The following EXD3 variants were observed in gnomAD, a reference collection of about 807,000 sequenced individuals.
EXD3 encodes exonuclease 3'-5' domain containing 3.
In EXD3, 92 loss-of-function variants were observed where a neutral mutation model predicts 98.0. The observed-to-expected ratio is 0.94, with a 90% CI of 0.79 to 1.12. The LOEUF is 1.12. EXD3 is among the 50% of genes most tolerant of loss of function. The pLI is 0.00. For synonymous variants in EXD3, 569 were observed against 526.0 expected (o/e 1.08, Z -1.12); for missense variants, 1,222 against 1,191.6 (o/e 1.03, Z -0.38).
rs768258652 is a variant in EXD3 at position 137,307,753 on chromosome 9, G to A, written c.2279-107C>T. On this transcript the variant is annotated intron_variant, in intron 20 of 21. Transcript: ENST00000340951. ...GCGGCTGAGCACAGTCACCTCATGG[G>A]GTGCAGCCTCTTCACACACCCCCCA... 27 of 1,259,546 alleles carry A rather than the reference G, an allele frequency of 2.1e-5. No homozygotes were observed. The African/African-American group carries it at 2.6e-4, about 12-fold the overall frequency. The allele number at this position is 1,259,546 out of a possible 1,614,324, so 78.0% of individuals were successfully genotyped here.
intron 3 of EXD3, among the ~76,000 whole-genome samples, chr9:137,378,369 C>G (rs1051228142): frequency 1.3e-5 from 2 of 151,996 alleles, no homozygotes; most frequent in East Asian, 1.9e-4. Context: ...CCACCACGCT[C>G]GGCTAATTGT....
chr9:137,362,651 C>T (rs374315942), intron 7 of EXD3, among the ~76,000 whole-genome samples: 46 of 152,140 alleles, frequency 3.0e-4, no homozygotes, highest in African/African-American at 8.7e-4. Flanking sequence ...TGTGAGCCAC[C>T]GTGCACGGCC....
At chr9:137,390,108 C>T (rs576164373) in intron 2 of EXD3, among the ~76,000 whole-genome samples, 225 of 95,784 alleles carry the variant, frequency 2.3e-3, no homozygotes, top group African/African-American at 9.3e-3. Context: ...GGTGACAGAG[C>T]GAGACTCTGT....
At chr9:137,414,678 C>T (rs73565526) in intron 1 of EXD3, among the ~76,000 whole-genome samples, 2,782 of 152,190 alleles carry the variant, frequency 0.018, 72 homozygotes, top group African/African-American at 0.063. Context: ...TGTTCCTTTC[C>T]TTAACAATTA....
intron 1 of EXD3, among the ~76,000 whole-genome samples, chr9:137,396,867 G>C (rs1837240176): frequency 6.6e-6 from 1 of 152,228 alleles, no homozygotes; most frequent in Admixed American, 6.5e-5. Flanking sequence ...CTGGGCAACA[G>C]GCAGTGTGAG....
In EXD3 at chr9:137,351,492, G is replaced by C; in HGVS notation, c.1210C>G (p.Pro404Ala). ...QVVGVDVEWT[P>A]VFVAGGRPRP... Reference sequence around the variant, plus strand: ...GGCCGGCCCCCAGCAACAAACACAGGTGTCCACTCCACGTCTACACCAACC... The same window carrying C: ...GGCCGGCCCCCAGCAACAAACACAGCTGTCCACTCCACGTCTACACCAACC... The change falls in exon 13 of 22, where the codon CCT becomes GCT. Residue 404 changes from proline to alanine, a missense_variant. Transcript: ENST00000340951. The C allele has an allele frequency of 1.3e-5, 20 of 1,597,756 alleles. No homozygotes were observed. The highest frequency in any genetic ancestry group is 1.7e-5 in the Non-Finnish European group (20 of 1,173,560).
At chr9:137,397,468 C>A (rs970207040) in intron 1 of EXD3, among the ~76,000 whole-genome samples, 2 of 152,096 alleles carry the variant, frequency 1.3e-5, no homozygotes, top group Non-Finnish European at 2.9e-5. Flanking sequence ...TCCAGAGTTT[C>A]CACAATGGAT....
chr9:137,395,459 C>T lies in EXD3; in HGVS notation c.-47-55G>A, dbSNP rs751805577. The T allele has an allele frequency of 3.2e-6, 5 of 1,541,794 alleles. No homozygotes were observed. Among genetic ancestry groups the T allele is most frequent in the Non-Finnish European group, 3.5e-6 (4 of 1,126,778 alleles). On this transcript the variant is annotated intron_variant, in intron 1 of 21. Transcript: ENST00000340951. The surrounding 1 kb of genome is among the most constrained non-coding windows in gnomAD (Gnocchi z 6.5). ...GAGCCCACTGCAACAGGCAGCCATG[C>T]AGAGCCCACGCCCACAGCCCCTGGA...
chr9:137,330,064 G>GCTACACGGGA (rs1832926360), intron 17 of EXD3, among the ~76,000 whole-genome samples: 5 of 127,438 alleles, frequency 3.9e-5, no homozygotes, highest in East Asian at 2.7e-4. Context: ...CTACACAGGA[G>GCTACACGGGA]CTACACAGGA....
At chr9:137,398,195 T>C (rs1442680845) in intron 1 of EXD3, among the ~76,000 whole-genome samples, 1 of 152,158 alleles carries the variant, frequency 6.6e-6, no homozygotes, top group Non-Finnish European at 1.5e-5. Context: ...CAGAAGGAAC[T>C]GTGGCTCCAC....
rs143013718 is a variant in EXD3 at position 137,386,555 on chromosome 9, G to A, written c.56-3178C>T. 4.8e-4 allele frequency among the ~76,000 whole-genome samples: 73 copies of A among 152,140 alleles called. No individual in the cohort carries two copies. The East Asian group carries it at 0.013, about 28-fold the overall frequency. ...GTGCCCTCAGACAACACCCAGCCGC[G>A]CAACACGGCACAGCCCTAGCATCCT... On this transcript the variant is annotated intron_variant, in intron 2 of 21. Coordinates refer to ENST00000340951, the MANE Select transcript of EXD3 (RefSeq NM_017820.5).
intron 19 of EXD3, among the ~76,000 whole-genome samples, chr9:137,313,159 G>C (rs1348854295): frequency 6.6e-6 from 1 of 152,182 alleles, no homozygotes; most frequent in Non-Finnish European, 1.5e-5. Context: ...GGAAAGAGGA[G>C]GGCGAGACAC....
At chr9:137,355,842 C>A (rs1834752586) in intron 8 of EXD3, among the ~76,000 whole-genome samples, 1 of 152,180 alleles carries the variant, frequency 6.6e-6, no homozygotes, top group Non-Finnish European at 1.5e-5. Flanking sequence ...GTGCATCTTC[C>A]CGGCCCTTGC....
chr9:137,331,009 T>C (rs772169067), intron 17 of EXD3, among the ~76,000 whole-genome samples: 5 of 152,148 alleles, frequency 3.3e-5, no homozygotes, highest in Non-Finnish European at 5.9e-5. Context: ...GAAAGACAAG[T>C]TGACCCTGCA....
chr9:137,392,715 TCTGTTCCAGGAGCACCAGG>T (rs1836988227), intron 2 of EXD3: 1 of 336,546 alleles, frequency 3.0e-6, no homozygotes, highest in African/African-American at 2.4e-5. Flanking sequence ...GGGGGCTGTG[TCTGTTCCAGGAGCACCAGG>T]CTGTTCCAGG....
intron 1 of EXD3, among the ~76,000 whole-genome samples, chr9:137,408,485 T>A (rs1021683519): frequency 7.1e-6 from 1 of 140,258 alleles, no homozygotes; most frequent in Non-Finnish European, 1.5e-5. Flanking sequence ...AGGTGGAGCT[T>A]GCAGTGAGCC....
rs987749130 is a variant in EXD3, at chr9:137,385,491, T to C, written c.56-2114A>G. 1.3e-5 allele frequency among the ~76,000 whole-genome samples: 2 copies of C among 152,166 alleles called. No individual in the cohort carries two copies. The highest frequency in any genetic ancestry group is 1.3e-4 in the Admixed American group (2 of 15,282). On this transcript the variant is annotated intron_variant, in intron 2 of 21. Coordinates refer to ENST00000340951, the MANE Select transcript of EXD3 (RefSeq NM_017820.5). This position sits in a 1 kb window ranked among gnomAD's most constrained non-coding sequence, Gnocchi z 4.4. ...TGTGCTCTGCGTTCCTTCCTACACATGGGTTGCACTTCACAATAAACAAAA... is the reference window on the plus strand; with the variant it reads ...TGTGCTCTGCGTTCCTTCCTACACACGGGTTGCACTTCACAATAAACAAAA...
chr9:137,333,632 C>T (rs147858453), intron 17 of EXD3, among the ~76,000 whole-genome samples: 2 of 152,194 alleles, frequency 1.3e-5, no homozygotes, highest in East Asian at 3.9e-4. Flanking sequence ...TTTAAAAGTG[C>T]GTAGCGCGTC....
intron 17 of EXD3, among the ~76,000 whole-genome samples, chr9:137,330,116 G>A (rs1832935989): frequency 8.6e-6 from 1 of 116,594 alleles, no homozygotes; most frequent in African/African-American, 3.3e-5. Context: ...AGCTACACAG[G>A]AGCTACACAG....
Sources: gnomAD v4.1 joint callset for allele counts (sites outside exome capture counted in the v4.1 genomes callset) on GRCh38, gnomAD v4.1.1 for gene constraint, Gnocchi (gnomAD v3.1) non-coding constraint, MANE v1.5 for transcripts, NCBI Gene and HGNC (gene_info 2026-07-23, HGNC 2026-07-21) for gene names.